Variants in DNASE1 observed in about 807,000 individuals in gnomAD.
DNASE1 encodes the protein deoxyribonuclease 1.
A neutral mutation model predicts 33.9 loss-of-function variants in DNASE1; 40 were observed. The ratio of observed to expected loss-of-function variants is 1.18; its 90% CI spans 0.92 to 1.54. The LOEUF is 1.54. Among genes scored for constraint, DNASE1 ranks in the 40% most tolerant of loss-of-function variants. The pLI, the probability that DNASE1 is intolerant of heterozygous loss-of-function variation, is 0.00. For missense variants in DNASE1, 518 were observed against 372.6 expected, an observed-to-expected ratio of 1.39 and a Z score of -3.21; for synonymous variants, 216 against 160.0, an observed-to-expected ratio of 1.35 and a Z score of -2.64.
rs1304024839 is a variant in DNASE1, at chr16:3,656,142, C to G, written c.277C>G (p.Leu93Val). The change falls in exon 4 of 9, where the codon CTG (leucine) becomes GTG (valine). Residue 93 changes from leucine (L) to valine (V), a missense_variant. Coordinates refer to ENST00000246949, the MANE Select transcript of DNASE1 (RefSeq NM_005223.4). ...DTYHYVVSEP[L>V]GRNSYKERYL... ...CTATCACTACGTGGTCAGTGAGCCACTGGGACGGAACAGCTATAAGGAGCG... is the reference window on the plus strand; with the variant it reads ...CTATCACTACGTGGTCAGTGAGCCAGTGGGACGGAACAGCTATAAGGAGCG... 2 of 1,614,114 alleles carry G rather than the reference C, an allele frequency of 1.2e-6. No homozygotes were observed. Among genetic ancestry groups the G allele is most frequent in the South Asian group, 2.2e-5 (2 of 91,084 alleles).
At chr16:3,622,407 C>T (rs1236609592) in intron 1 of DNASE1, among the ~76,000 whole-genome samples, 1 of 152,026 alleles carries the variant, frequency 6.6e-6, no homozygotes, top group Non-Finnish European at 1.5e-5. Context: ...ATTTTCTTCA[C>T]GTGATTAAAA....
At chr16:3,663,284 G>T in exon 10 of DNASE1, 10 of 1,102,768 alleles carry the variant, frequency 9.1e-6, no homozygotes, top group Non-Finnish European at 1.3e-5. Context: ...AGTCACCAGG[G>T]TGCTCCCACA....
At chr16:3,615,170 T>G (rs1257923228) in intron 1 of DNASE1, among the ~76,000 whole-genome samples, 5 of 152,184 alleles carry the variant, frequency 3.3e-5, no homozygotes. Context: ...TCTGATGGTC[T>G]CAAGATTGAG....
At chr16:3,658,499 T>C, downstream of DNASE1, 1 of 570,472 alleles carries the variant, frequency 1.8e-6, no homozygotes, top group South Asian at 2.1e-5. Context: ...CTGGCCAAGA[T>C]GGTGAAAACC....
intron 1 of DNASE1, among the ~76,000 whole-genome samples, chr16:3,613,428 C>T (rs950398395): frequency 6.6e-6 from 1 of 152,160 alleles, no homozygotes; most frequent in African/African-American, 2.4e-5. Context: ...CTGCTATGAA[C>T]ATTCGTGTTC....
upstream of DNASE1, among the ~76,000 whole-genome samples, chr16:3,650,383 T>C (rs934191081): frequency 6.6e-5 from 10 of 152,116 alleles, no homozygotes; most frequent in African/African-American, 2.2e-4. Flanking sequence ...TCTGCCTTTA[T>C]GTTTGAGGGA....
chr16:3,627,957 AAAAAG>A (rs920349163), intron 1 of DNASE1, among the ~76,000 whole-genome samples: 1 of 151,016 alleles, frequency 6.6e-6, no homozygotes, highest in Admixed American at 6.6e-5. Context: ...AAAAAAAAAA[AAAAAG>A]TCATTGGGAT....
intron 1 of DNASE1, among the ~76,000 whole-genome samples, chr16:3,621,653 C>T (rs188087003): frequency 3.0e-4 from 45 of 152,186 alleles, no homozygotes; most frequent in African/African-American, 9.6e-4. Flanking sequence ...GAGATTTTTC[C>T]TTATTACATA....
At chr16:3,620,502 G>A (rs2041268904) in intron 1 of DNASE1, among the ~76,000 whole-genome samples, 1 of 149,450 alleles carries the variant, frequency 6.7e-6, no homozygotes, top group South Asian at 2.1e-4. Context: ...CTGGGTGACA[G>A]AGTGAGACCC....
downstream of DNASE1, chr16:3,658,157 AG>A: frequency 6.2e-7 from 1 of 1,614,094 alleles, no homozygotes; most frequent in Non-Finnish European, 8.5e-7. Context: ...CTTGACAAGC[AG>A]CTCATTCAAG....
upstream of DNASE1, chr16:3,653,184 C>T (rs902112405): frequency 1.3e-5 from 2 of 152,156 alleles, no homozygotes; most frequent in African/African-American, 2.4e-5. Context: ...GTGATGCAGC[C>T]ACAACTAAGG....
At chr16:3,658,780 C>G (rs373207952), downstream of DNASE1, 4 of 1,612,874 alleles carry the variant, frequency 2.5e-6, no homozygotes, top group East Asian at 8.9e-5. Context: ...TCATCCTAAG[C>G]TGCTGCACTC....
chr16:3,662,909 C>A (rs748175619), downstream of DNASE1: 1 of 1,613,376 alleles, frequency 6.2e-7, no homozygotes, highest in East Asian at 2.2e-5. Context: ...GCGACCCCAG[C>A]ACATTTCTCA....
chr16:3,655,879 CAGG>C lies in DNASE1; in HGVS notation c.182_184del (p.Glu61del), dbSNP rs772295243. The C allele has an allele frequency of 1.2e-6, 2 of 1,613,984 alleles. No homozygotes were observed. The highest frequency in any genetic ancestry group is 1.1e-5 in the South Asian group (1 of 91,086). On this transcript the variant is annotated inframe_deletion, in exon 3 of 9. Transcript: ENST00000246949. ...GAGCCGCTATGACATCGCCCTGGTC[CAGG>C]AGGTCAGAGACAGCCACCTGACTGC...
chr16:3,625,448 C>T (rs112693326), intron 1 of DNASE1, among the ~76,000 whole-genome samples: 98 of 151,800 alleles, frequency 6.5e-4, no homozygotes, highest in Admixed American at 2.2e-3. Context: ...TGAGACCCAT[C>T]GCTGCAAAAA....
chr16:3,652,492 G>A (rs910708087), upstream of DNASE1: 4 of 152,370 alleles, frequency 2.6e-5, no homozygotes, highest in African/African-American at 9.6e-5. Flanking sequence ...TGACGTGCTG[G>A]AGGCTGTCCT....
At position 3,656,761 on chromosome 16, in the gene DNASE1, C is replaced by T. The variant is rs377546429; in HGVS notation, c.436+8C>T. ...TCTTCTCCCGGTTCACAGGTGGGTG[C>T]TGCCTGGGCCAGGGTGGGGCTCGGC... On this transcript the variant is annotated splice_region_variant and intron_variant, in intron 5 of 8. Coordinates refer to ENST00000246949, the MANE Select transcript of DNASE1 (RefSeq NM_005223.4). 7 of 1,598,432 alleles carry T rather than the reference C, an allele frequency of 4.4e-6. No individual in the cohort carries two copies. The African/African-American group carries it at 8.1e-5, about 18-fold the overall frequency.
chr16:3,631,441 G>T (rs1484542733), intron 1 of DNASE1, among the ~76,000 whole-genome samples: 2 of 152,150 alleles, frequency 1.3e-5, no homozygotes, highest in East Asian at 3.8e-4. Flanking sequence ...CTAACCTCAG[G>T]TGATCCACCT....
exon 10 of DNASE1, chr16:3,663,910 A>G (rs939951945): frequency 8.6e-6 from 3 of 350,008 alleles, no homozygotes; most frequent in Middle Eastern, 8.5e-4. Context: ...TAAAAATACA[A>G]AAATTTGCTG....
Sources: allele counts gnomAD v4.1 joint callset (sites outside exome capture counted in the v4.1 genomes callset), GRCh38; gene constraint gnomAD v4.1.1; transcripts MANE v1.5; gene names NCBI Gene and HGNC (gene_info 2026-07-23, HGNC 2026-07-21).